Variants in SLC41A1 observed in about 807,000 individuals in gnomAD.
The protein encoded by SLC41A1 is solute carrier family 41 member 1, also known as solute carrier family 41 (magnesium transporter), member 1.
In SLC41A1, 20 loss-of-function variants were observed where a neutral mutation model predicts 47.3. That is an observed-to-expected ratio of 0.42 (90% confidence interval 0.30 to 0.61). The LOEUF (loss-of-function observed/expected upper bound fraction) is 0.61, where lower values mean the gene tolerates loss of function less well. Ranked by LOEUF, SLC41A1 falls within the 20% of genes least tolerant of loss-of-function variation. SLC41A1 has a pLI of 0.17. For synonymous variants in SLC41A1, 282 were observed against 272.7 expected, an observed-to-expected ratio of 1.03 and a Z score of -0.34; for missense variants, 504 against 674.1, an observed-to-expected ratio of 0.75 and a Z score of 2.79.
intron 8 of SLC41A1, chr1:205,796,429 C>T: frequency 4.6e-6 from 1 of 215,986 alleles, no homozygotes; most frequent in Non-Finnish European, 9.3e-6. Flanking sequence ...GGTATAGTTC[C>T]CATGAGAGTG....
At chr1:205,804,131 AT>A (rs1655957323) in intron 2 of SLC41A1, among the ~76,000 whole-genome samples, 1 of 152,162 alleles carries the variant, frequency 6.6e-6, no homozygotes, top group Admixed American at 6.5e-5. Context: ...TATGTTACAC[AT>A]TTTTTACCAC....
At chr1:205,801,296 T>G (rs900191347) in intron 2 of SLC41A1, 8 of 490,048 alleles carry the variant, frequency 1.6e-5, no homozygotes, top group African/African-American at 1.6e-4. Flanking sequence ...TTCTGCCGGT[T>G]GGGAGACTCT....
At position 205,796,954 on chromosome 1, in the gene SLC41A1, C is replaced by T. The variant is rs1021542840; in HGVS notation, c.1042G>A (p.Gly348Arg). The change falls in exon 8 of 11, where the codon GGG becomes AGG. Residue 348 changes from glycine to arginine, a missense_variant. Gly to Arg is a moderately radical substitution (Grantham distance 125). This residue lies in a region of SLC41A1 where 421 missense variants were observed against 601.6 expected (regional missense o/e 0.70). Transcript: ENST00000367137. Reference sequence around the variant, plus strand: ...ATCACAGGCGTGAAGACAGCCATCCCAGCAAAGTTGGGGTCTGAGACAGTC... The same window carrying T: ...ATCACAGGCGTGAAGACAGCCATCCTAGCAAAGTTGGGGTCTGAGACAGTC... ...DKTVSDPNFA[G>R]MAVFTPVING... 6.2e-7 allele frequency: 1 copy of T among 1,613,388 alleles called. No individual in the cohort carries two copies. The highest frequency in any genetic ancestry group is 8.5e-7 in the Non-Finnish European group (1 of 1,179,760).
intron 10 of SLC41A1, among the ~76,000 whole-genome samples, chr1:205,794,119 TAAA>T (rs2102500472): frequency 6.7e-6 from 1 of 149,020 alleles, no homozygotes; most frequent in African/African-American, 2.4e-5. Context: ...CCACTTGTGA[TAAA>T]AACTGCATAG....
intron 3 of SLC41A1, 87 bp from the exon 4 acceptor site, chr1:205,799,917 C>T (rs558541076): frequency 8.7e-6 from 10 of 1,153,390 alleles, no homozygotes; most frequent in Non-Finnish European, 1.3e-5. Flanking sequence ...GATCATGAGG[C>T]AGTACATGTG....
chr1:205,799,125 G>T lies in SLC41A1; in HGVS notation c.553-24C>A, dbSNP rs745428290. The stretch of plus-strand genomic sequence containing the variant: ...ACCTGGGGACAGGAGTGGTAACTCA[G>T]AAAGCCCTGAGAGCAGTGGGCTTCC... On this transcript the variant is annotated intron_variant, in intron 4 of 10. Transcript: ENST00000367137. 6.2e-6 allele frequency: 10 copies of T among 1,611,342 alleles called. No homozygotes were observed. In the Admixed American group the frequency reaches 1.5e-4, roughly 24 times the overall value.
In SLC41A1 at chr1:205,810,578, C is replaced by A; in HGVS notation, c.-137G>T. On this transcript the variant is annotated 5_prime_UTR_variant, in exon 2 of 11. The change creates a premature stop within an existing upstream ORF in the 5' untranslated region. Coordinates refer to ENST00000367137, the MANE Select transcript of SLC41A1 (RefSeq NM_173854.6). The surrounding 1 kb of genome is among the most constrained non-coding windows in gnomAD (Gnocchi z 5.5). The stretch of plus-strand genomic sequence containing the variant: ...CGCAGGACCTCTTCCCACGGCTCTC[C>A]ACTCCTACCAGGCACTGCAAAAACT... 7.4e-7 allele frequency: 1 copy of A among 1,344,052 alleles called. No individual in the cohort carries two copies. The allele number at this position is 1,344,052 out of a possible 1,614,324, so 83.3% of individuals were successfully genotyped here. A position where few individuals can be genotyped will look rare whatever the true frequency, so the allele number is the denominator to read the frequency against.
Position 205,791,636 on chromosome 1 carries a change from G to A in SLC41A1, c.1439C>T (p.Pro480Leu). The A allele has an allele frequency of 6.2e-7, 1 of 1,614,132 alleles. No individual in the cohort carries two copies. The highest frequency in any genetic ancestry group is 8.5e-7 in the Non-Finnish European group (1 of 1,180,020). ...RGLDPDNFSI[P>L]YLTALGDLLG... is the part of the protein sequence containing the mutation. ...CAGGTCCCCCAGAGCAGTCAAGTAT[G>A]GGATGGAGAAGTTGTCCGGGTCCAG... The change falls in exon 11 of 11, where the codon CCA becomes CTA. Residue 480 changes from proline (P) to leucine (L), a missense_variant. By Grantham distance (98) the Pro-to-Leu change is moderately conservative. This residue lies in a region of SLC41A1 where 421 missense variants were observed against 601.6 expected (regional missense o/e 0.70). Coordinates refer to ENST00000367137, the MANE Select transcript of SLC41A1 (RefSeq NM_173854.6). This position sits in a 1 kb window ranked among gnomAD's most constrained non-coding sequence, Gnocchi z 4.0.
chr1:205,800,715 G>A (rs1368529689), intron 3 of SLC41A1, among the ~76,000 whole-genome samples: 1 of 152,160 alleles, frequency 6.6e-6, no homozygotes, highest in African/African-American at 2.4e-5. Flanking sequence ...GTCCAGGGGT[G>A]GCTGGGACAT....
In SLC41A1 at chr1:205,810,554, G is replaced by C; in HGVS notation, c.-113C>G. 2 of 1,543,652 alleles carry C rather than the reference G, an allele frequency of 1.3e-6. No individual in the cohort carries two copies. Among genetic ancestry groups the C allele is most frequent in the Non-Finnish European group, 1.8e-6 (2 of 1,130,308 alleles). On this transcript the variant is annotated 5_prime_UTR_variant, in exon 2 of 11. Coordinates refer to ENST00000367137, the MANE Select transcript of SLC41A1 (RefSeq NM_173854.6). The surrounding 1 kb of genome is among the most constrained non-coding windows in gnomAD (Gnocchi z 5.5). ...TGGGGTGAACCCAGGCTTGGGCGCC[G>C]CAGGACCTCTTCCCACGGCTCTCCA...
intron 3 of SLC41A1, 126 bp downstream of exon 3, chr1:205,800,827 T>A: frequency 5.9e-5 from 47 of 795,418 alleles, no homozygotes; most frequent in Admixed American, 8.2e-5. Context: ...AGGCCCTCCC[T>A]TCCCACCCCA....
intron 4 of SLC41A1, among the ~76,000 whole-genome samples, 189 bp from the exon 5 acceptor site, chr1:205,799,290 T>C (rs1405590940): frequency 6.6e-6 from 1 of 152,222 alleles, no homozygotes; most frequent in Non-Finnish European, 1.5e-5. Context: ...CCACTAGTAC[T>C]GGGCAGTGCA....
At chr1:205,794,790 G>C in intron 10 of SLC41A1, 80 bp downstream of exon 10, 3 of 1,585,754 alleles carry the variant, frequency 1.9e-6, no homozygotes, top group Non-Finnish European at 2.6e-6. Context: ...GAGTGTCTAA[G>C]AGGCCAAGTC....
intron 10 of SLC41A1, among the ~76,000 whole-genome samples, chr1:205,792,921 T>G (rs1162577580): frequency 1.3e-5 from 2 of 151,890 alleles, no homozygotes; most frequent in Non-Finnish European, 2.9e-5. Context: ...CAATCTTGGT[T>G]GCTCTCCTGT....
At chr1:205,804,565 G>A (rs893753130) in intron 2 of SLC41A1, among the ~76,000 whole-genome samples, 6 of 152,254 alleles carry the variant, frequency 3.9e-5, no homozygotes, top group Admixed American at 3.9e-4. Context: ...CTGCCCTGGA[G>A]CAACTTGGGG....
At chr1:205,792,401 C>T (rs769115136) in intron 10 of SLC41A1, among the ~76,000 whole-genome samples, 13 of 152,152 alleles carry the variant, frequency 8.5e-5, no homozygotes, top group Non-Finnish European at 1.6e-4. Flanking sequence ...ATAAAGCAGA[C>T]AATGCATACC....
intron 2 of SLC41A1, 30 bp from the exon 3 acceptor site, chr1:205,801,090 TCAGTGCCCCAAAGGGCGGG>T: frequency 1.9e-6 from 3 of 1,590,938 alleles, no homozygotes; most frequent in Non-Finnish European, 2.6e-6. Context: ...CCCAGGAATT[TCAGTGCCCCAAAGGGCGGG>T]CATTGAGGTT....
intron 1 of SLC41A1, among the ~76,000 whole-genome samples, chr1:205,812,150 A>T (rs1285167525): frequency 1.3e-5 from 2 of 152,120 alleles, no homozygotes; most frequent in African/African-American, 4.8e-5. Context: ...ATCCTATTCC[A>T]TTTCACCAGA....
chr1:205,810,587 C>G lies in SLC41A1; in HGVS notation c.-146G>C. 8.1e-7 allele frequency: 1 copy of G among 1,234,354 alleles called. No individual in the cohort carries two copies. The highest frequency in any genetic ancestry group is 2.0e-5 in the Admixed American group (1 of 50,586). 76.5% of individuals were successfully genotyped at this position (1,234,354 alleles called of 1,614,324 possible). A position where few individuals can be genotyped will look rare whatever the true frequency, so the allele number is the denominator to read the frequency against. ...TCTTCCCACGGCTCTCCACTCCTAC[C>G]AGGCACTGCAAAAACTGATCCACCA... On this transcript the variant is annotated 5_prime_UTR_variant, in exon 2 of 11. Coordinates refer to ENST00000367137, the MANE Select transcript of SLC41A1 (RefSeq NM_173854.6). This position sits in a 1 kb window ranked among gnomAD's most constrained non-coding sequence, Gnocchi z 5.5.
Sources: gnomAD v4.1 joint callset for allele counts (sites outside exome capture counted in the v4.1 genomes callset) on GRCh38, gnomAD v4.1.1 for gene constraint, gnomAD v4.1.1 regional missense constraint, Gnocchi (gnomAD v3.1) non-coding constraint, MANE v1.5 for transcripts, NCBI Gene and HGNC (gene_info 2026-07-23, HGNC 2026-07-21) for gene names.